RNF121: variants seen among roughly 807,000 people sequenced by gnomAD.
RNF121 encodes the protein ring finger protein 121, also known as E3 ubiquitin ligase RNF121.
RNF121 carries 21 observed loss-of-function variants against 46.5 expected under a neutral mutation model. The ratio of observed to expected loss-of-function variants is 0.45; its 90% CI spans 0.32 to 0.65. The LOEUF (loss-of-function observed/expected upper bound fraction) is 0.65. RNF121 is among the 30% of genes least tolerant of loss of function. The pLI, the probability that RNF121 is intolerant of heterozygous loss-of-function variation, is 0.04. For missense variants in RNF121, 346 were observed against 416.0 expected, an observed-to-expected ratio of 0.83 and a Z score of 1.46; for synonymous variants, 139 against 144.7, an observed-to-expected ratio of 0.96 and a Z score of 0.28.
intron 5 of RNF121, 108 bp from the exon 6 acceptor site, chr11:71,990,489 G>A: frequency 7.1e-7 from 1 of 1,404,082 alleles, no homozygotes; most frequent in South Asian, 1.4e-5. Context: ...ACTTGCTCTA[G>A]CCTTTGGGCC....
intron 1 of RNF121, among the ~76,000 whole-genome samples, chr11:71,938,409 T>G (rs963044596): frequency 2.2e-5 from 3 of 138,004 alleles, no homozygotes. Flanking sequence ...AACCTCCGCC[T>G]CCTGGGTTCA....
Position 71,996,536 on chromosome 11 carries a change from A to G in RNF121, c.*221A>G. ...TTTTAAAAGAAAACTATTTTGATGA[A>G]TATATTTAAAAAACCTTTTTTTATT... On this transcript the variant is annotated 3_prime_UTR_variant, in exon 9 of 9. Transcript: ENST00000361756. The G allele has an allele frequency of 2.0e-6, 1 of 500,186 alleles. No homozygotes were observed. Among genetic ancestry groups the G allele is most frequent in the Non-Finnish European group, 3.5e-6 (1 of 285,700 alleles). 31.0% of individuals were successfully genotyped at this position (500,186 alleles called of 1,614,324 possible). A position where few individuals can be genotyped will look rare whatever the true frequency, so the allele number is the denominator to read the frequency against.
chr11:71,942,750 CA>C (rs1292029752), intron 1 of RNF121, among the ~76,000 whole-genome samples: 48 of 128,742 alleles, frequency 3.7e-4, no homozygotes, highest in African/African-American at 1.0e-3. Context: ...ACTCTGTCTC[CA>C]AAAAAAAAAT....
intron 1 of RNF121, among the ~76,000 whole-genome samples, chr11:71,930,397 T>G (rs1459490585): frequency 6.6e-6 from 1 of 152,136 alleles, no homozygotes; most frequent in Non-Finnish European, 1.5e-5. Flanking sequence ...GCAATAAGAC[T>G]GTTGCCTGGT....
intron 1 of RNF121, among the ~76,000 whole-genome samples, chr11:71,930,824 G>GAAA (rs1953262553): frequency 6.6e-6 from 1 of 152,150 alleles, no homozygotes; most frequent in Admixed American, 6.5e-5. Context: ...TGGCAGAGGA[G>GAAA]AAAATAACAT....
chr11:71,948,012 A>G (rs1251757777), intron 1 of RNF121, among the ~76,000 whole-genome samples: 3 of 152,164 alleles, frequency 2.0e-5, no homozygotes, highest in Admixed American at 6.6e-5. Context: ...TCTGTTCTGA[A>G]AGATTCTGGA....
At chr11:71,950,541 G>A (rs970208658) in intron 1 of RNF121, among the ~76,000 whole-genome samples, 8 of 151,572 alleles carry the variant, frequency 5.3e-5, no homozygotes, top group African/African-American at 1.7e-4. Flanking sequence ...CCGAGATCAT[G>A]CCATCGCACT....
rs764685110 is a variant in RNF121 at position 71,960,891 on chromosome 11, T to G, written c.243T>G (p.Asn81Lys). ...AGCAGAGGCACCCACGCTCCTACAA[T>G]GTAAGCCACTTTGCCTCTTACTTCT... Reference protein sequence around the residue: ...QWKQRHPRSYNMVTLFQMWVV... With the variant: ...QWKQRHPRSYKMVTLFQMWVV... Residue 81 changes from asparagine (N) to lysine (K), a missense_variant and splice_region_variant, in exon 3 of 9, where the codon AAT (asparagine) becomes AAG (lysine). Asn to Lys is a moderately conservative substitution (Grantham distance 94). Around this residue, in one of 2 missense-constraint regions of RNF121, gnomAD observed 286 missense variants for 383.8 expected, o/e 0.75. Transcript: ENST00000361756. 6.2e-7 allele frequency: 1 copy of G among 1,613,492 alleles called. No individual in the cohort carries two copies. Among genetic ancestry groups the G allele is most frequent in the Admixed American group, 1.7e-5 (1 of 59,972 alleles).
At chr11:71,959,825 G>A (rs764673808) in intron 2 of RNF121, among the ~76,000 whole-genome samples, 14 of 151,958 alleles carry the variant, frequency 9.2e-5, no homozygotes, top group Admixed American at 1.3e-4. Flanking sequence ...TAGTAGAGAC[G>A]GGGTTTCGCC....
chr11:71,947,830 G>T (rs920089622), intron 1 of RNF121, among the ~76,000 whole-genome samples: 6 of 152,176 alleles, frequency 3.9e-5, no homozygotes, highest in African/African-American at 1.4e-4. Context: ...AGTTAGAGTC[G>T]GGGAGATCAT....
At chr11:71,935,278 T>C (rs1953379870) in intron 1 of RNF121, among the ~76,000 whole-genome samples, 1 of 152,248 alleles carries the variant, frequency 6.6e-6, no homozygotes. Context: ...ATAAGATATG[T>C]ACTATTATTA....
intron 1 of RNF121, among the ~76,000 whole-genome samples, chr11:71,937,390 G>T (rs111746407): frequency 0.026 from 3,910 of 152,196 alleles, 54 homozygotes; most frequent in East Asian, 0.075. Context: ...TTGGCTCACT[G>T]CAACCTCCGC....
chr11:71,943,333 A>C (rs1953632829), intron 1 of RNF121, among the ~76,000 whole-genome samples: 1 of 152,200 alleles, frequency 6.6e-6, no homozygotes, highest in African/African-American at 2.4e-5. Flanking sequence ...CATGTTAATT[A>C]GGCAGTTGGA....
At chr11:71,952,279 T>C (rs768071862) in intron 1 of RNF121, among the ~76,000 whole-genome samples, 1 of 152,166 alleles carries the variant, frequency 6.6e-6, no homozygotes, top group Non-Finnish European at 1.5e-5. Context: ...AATCTATAGA[T>C]AGAGACAGAA....
Position 71,960,743 on chromosome 11 carries a change from C to T in RNF121, c.102-7C>T. On this transcript the variant is annotated splice_region_variant and splice_polypyrimidine_tract_variant and intron_variant, in intron 2 of 8. Transcript: ENST00000361756. ...GACTTGATTCACCCCATGTGTTTGG[C>T]TTTCAGGGTCGAGCACGCACGCATG... The T allele has an allele frequency of 1.2e-6, 2 of 1,611,400 alleles. No individual in the cohort carries two copies. Among genetic ancestry groups the T allele is most frequent in the Non-Finnish European group, 1.7e-6 (2 of 1,178,278 alleles).
At chr11:71,986,593 C>G (rs899515945) in intron 4 of RNF121, among the ~76,000 whole-genome samples, 2 of 151,652 alleles carry the variant, frequency 1.3e-5, no homozygotes, top group Admixed American at 6.6e-5. Context: ...TGGTGAAACC[C>G]CGTCTCTACT....
At chr11:71,983,976 G>A (rs184389371) in intron 4 of RNF121, among the ~76,000 whole-genome samples, 1 of 152,284 alleles carries the variant, frequency 6.6e-6, no homozygotes, top group African/African-American at 2.4e-5. Context: ...GTTCCTCTCT[G>A]GCTTTGGTAG....
intron 1 of RNF121, among the ~76,000 whole-genome samples, chr11:71,948,386 G>A (rs1184367333): frequency 2.6e-5 from 4 of 151,762 alleles, no homozygotes; most frequent in Admixed American, 2.6e-4. Context: ...CGTGGTGGCT[G>A]CACTTGTAGC....
chr11:71,968,422 A>T (rs917907652), intron 3 of RNF121, among the ~76,000 whole-genome samples: 2 of 152,078 alleles, frequency 1.3e-5, no homozygotes, highest in African/African-American at 4.8e-5. Flanking sequence ...TGGATGGCCC[A>T]TCTTGCTGTT....
Sources: allele counts gnomAD v4.1 joint callset (sites outside exome capture counted in the v4.1 genomes callset), GRCh38; gene constraint gnomAD v4.1.1; regional missense constraint gnomAD v4.1.1; transcripts MANE v1.5; gene names NCBI Gene and HGNC (gene_info 2026-07-23, HGNC 2026-07-21).